The following AADAT variants were observed in gnomAD, a reference collection of about 807,000 sequenced individuals.
AADAT encodes the protein aminoadipate aminotransferase, also known as kynurenine/alpha-aminoadipate aminotransferase, mitochondrial.
AADAT carries 25 observed loss-of-function variants against 56.2 expected under a neutral mutation model. The ratio of observed to expected loss-of-function variants is 0.44; its 90% CI spans 0.32 to 0.62. The LOEUF is 0.62. AADAT is among the 20% of genes least tolerant of loss of function. The pLI, the probability that AADAT is intolerant of heterozygous loss-of-function variation, is 0.04. For synonymous variants in AADAT, 173 were observed against 164.7 expected, an observed-to-expected ratio of 1.05 and a Z score of -0.39; for missense variants, 387 against 510.5, an observed-to-expected ratio of 0.76 and a Z score of 2.33.
At chr4:170,072,092 G>A (rs1731793161) in intron 5 of AADAT, among the ~76,000 whole-genome samples, 1 of 152,048 alleles carries the variant, frequency 6.6e-6, no homozygotes. Context: ...GCAATGTGCC[G>A]GTCATCGTGT....
chr4:170,091,821 G>A (rs1732851315), upstream of AADAT: 1 of 152,186 alleles, frequency 6.6e-6, no homozygotes, highest in Admixed American at 6.5e-5. Context: ...TAGCTAATCT[G>A]ATGGGGACTT....
At chr4:170,063,401 G>A (rs146496322) in intron 11 of AADAT, among the ~76,000 whole-genome samples, 6 of 152,172 alleles carry the variant, frequency 3.9e-5, no homozygotes, top group Non-Finnish European at 7.3e-5. Flanking sequence ...TATCCTTAGC[G>A]CCTCGCTTAG....
chr4:170,088,532 T>A lies in AADAT; in HGVS notation c.100A>T (p.Ile34Phe). The change falls in exon 2 of 13, where the codon ATC becomes TTC. Residue 34 changes from isoleucine (I) to phenylalanine (F), a missense_variant. By Grantham distance (21) the Ile-to-Phe change is conservative. Coordinates refer to ENST00000337664, the MANE Select transcript of AADAT (RefSeq NM_016228.4). ...TTTGGTAAGCCACCAGCCAAGGAGA[T>A]CATCGATTTTGGTCCTCTGCTCAAT... ...DILSRGPKSM[I>F]SLAGGLPNPN... The A allele has an allele frequency of 6.2e-7, 1 of 1,613,088 alleles. No homozygotes were observed.
Position 170,060,816 on chromosome 4 carries a change from C to G in AADAT, c.*112G>C. ...GCAGGCCAGAGTGCAGTGGTGTGAT[C>G]GTAGCTTACTGCAGCCTTGAATTCC... is the stretch of plus-strand genomic sequence containing the variant. On this transcript the variant is annotated 3_prime_UTR_variant, in exon 13 of 13. Coordinates refer to ENST00000337664, the MANE Select transcript of AADAT (RefSeq NM_016228.4). 2.4e-6 allele frequency: 2 copies of G among 822,068 alleles called. No individual in the cohort carries two copies. Among genetic ancestry groups the G allele is most frequent in the East Asian group, 2.9e-5 (1 of 34,996 alleles). The allele number at this position is 822,068 out of a possible 1,614,324, so 50.9% of individuals were successfully genotyped here.
In AADAT at chr4:170,064,718, C is replaced by A; in HGVS notation, c.1134+1G>T. 6.2e-7 allele frequency: 1 copy of A among 1,601,146 alleles called. No homozygotes were observed. The highest frequency in any genetic ancestry group is 8.5e-7 in the Non-Finnish European group (1 of 1,176,070). ...CCCAGCCCTTCACCTCCCAGTTTTA[C>A]CCCCATCTTAACGGCCTTTTCTTCA... On this transcript the variant is annotated splice_donor_variant, in intron 11 of 12. Coordinates refer to ENST00000337664, the MANE Select transcript of AADAT (RefSeq NM_016228.4). LOFTEE classifies it high-confidence loss of function.
intron 1 of AADAT, 78 bp downstream of exon 1, chr4:170,089,546 G>T: frequency 6.5e-7 from 1 of 1,546,244 alleles, no homozygotes; most frequent in Non-Finnish European, 8.9e-7. Flanking sequence ...CCAAGCGGTG[G>T]CTTGCTAGGG....
chr4:170,093,850 G>T (rs1295396021), upstream of AADAT, among the ~76,000 whole-genome samples: 2 of 152,170 alleles, frequency 1.3e-5, no homozygotes, highest in Non-Finnish European at 2.9e-5. Flanking sequence ...CTCCCACTTT[G>T]GCCTCCGGAA....
At chr4:170,070,677 T>C in intron 5 of AADAT, 25 bp from the exon 6 acceptor site, 4 of 1,420,640 alleles carry the variant, frequency 2.8e-6, no homozygotes, top group Non-Finnish European at 3.9e-6. Flanking sequence ...AGTAATTGTT[T>C]ATTTCTTAAT....
chr4:170,088,488 A>C lies in AADAT; in HGVS notation c.144T>G (p.Phe48Leu). 6.2e-7 allele frequency: 1 copy of C among 1,613,840 alleles called. No homozygotes were observed. The highest frequency in any genetic ancestry group is 8.5e-7 in the Non-Finnish European group (1 of 1,179,760). ...GGLPNPNMFPFKTAVITVENG... is the reference protein window; with the variant it reads ...GGLPNPNMFPLKTAVITVENG... The stretch of plus-strand genomic sequence containing the variant: ...TTTCTACAGTGATTACGGCAGTCTT[A>C]AAAGGAAACATGTTTGGATTTGGTA... Residue 48 changes from phenylalanine to leucine, a missense_variant, in exon 2 of 13, where the codon TTT (phenylalanine) becomes TTG (leucine). Transcript: ENST00000337664.
upstream of AADAT, chr4:170,090,169 C>T (rs1732766253): frequency 6.6e-6 from 1 of 152,320 alleles, no homozygotes; most frequent in African/African-American, 2.4e-5. Flanking sequence ...CACCGCAACC[C>T]GGCGTCCGCG....
At chr4:170,093,383 C>T (rs769320199), upstream of AADAT, among the ~76,000 whole-genome samples, 2 of 151,984 alleles carry the variant, frequency 1.3e-5, no homozygotes, top group East Asian at 3.9e-4. Flanking sequence ...TCAGCTGAAG[C>T]CGAGATCACG....
At position 170,070,628 on chromosome 4, in the gene AADAT, T is replaced by C; in HGVS notation, c.679A>G (p.Ile227Val). The C allele has an allele frequency of 6.3e-7, 1 of 1,579,684 alleles. No homozygotes were observed. The stretch of plus-strand genomic sequence containing the variant: ...AAATAGTAAGGATCATCTTCTATTA[T>C]GAGGAAATCATATTTTCTTGCAAGC... Reference protein sequence around the residue: ...YELARKYDFLIIEDDPYYFLQ... With the variant: ...YELARKYDFLVIEDDPYYFLQ... Residue 227 changes from isoleucine to valine, a missense_variant, in exon 6 of 13, where the codon ATA becomes GTA. Physicochemically the swap from Ile to Val is conservative, Grantham distance 29. Transcript: ENST00000337664.
chr4:170,079,467 T>G (rs372354369), intron 3 of AADAT, among the ~76,000 whole-genome samples: 1 of 152,030 alleles, frequency 6.6e-6, no homozygotes, highest in African/African-American at 2.4e-5. Context: ...TATGAAAGAA[T>G]GAAAGAAGGG....
intron 10 of AADAT, 152 bp from the exon 11 acceptor site, chr4:170,064,977 G>GAAGGCTCACAAAA: frequency 1.7e-6 from 1 of 587,026 alleles, no homozygotes; most frequent in Non-Finnish European, 2.8e-6. Context: ...ATATCATTTT[G>GAAGGCTCACAAAA]TGAGCCTTCA....
chr4:170,067,608 G>C (rs1476930742), intron 8 of AADAT, among the ~76,000 whole-genome samples: 1 of 152,032 alleles, frequency 6.6e-6, no homozygotes, highest in Non-Finnish European at 1.5e-5. Context: ...TTATGTAGCA[G>C]GCACTGTTGT....
At chr4:170,089,424 C>A (rs553340339) in intron 1 of AADAT, 200 bp downstream of exon 1, 3 of 629,312 alleles carry the variant, frequency 4.8e-6, no homozygotes. Flanking sequence ...AGCAGAAATA[C>A]CCGCCTTCCG....
intron 3 of AADAT, among the ~76,000 whole-genome samples, chr4:170,085,478 T>C (rs1464931879): frequency 6.6e-6 from 1 of 152,148 alleles, no homozygotes; most frequent in Non-Finnish European, 1.5e-5. Flanking sequence ...TTAAACCAGA[T>C]ACATATTAGT....
intron 3 of AADAT, among the ~76,000 whole-genome samples, chr4:170,084,569 T>C (rs1732462902): frequency 6.6e-6 from 1 of 152,198 alleles, no homozygotes; most frequent in Non-Finnish European, 1.5e-5. Flanking sequence ...CACAGAATAA[T>C]TGCTTCTTAA....
At chr4:170,063,263 C>T (rs1048414705) in intron 11 of AADAT, among the ~76,000 whole-genome samples, 16 of 152,082 alleles carry the variant, frequency 1.1e-4, no homozygotes, top group African/African-American at 3.9e-4. Flanking sequence ...ACAAGATAAC[C>T]AACATCTGGG....
Sources: allele counts gnomAD v4.1 joint callset (sites outside exome capture counted in the v4.1 genomes callset), GRCh38; gene constraint gnomAD v4.1.1; transcripts MANE v1.5; gene names NCBI Gene and HGNC (gene_info 2026-07-23, HGNC 2026-07-21).